PTPRN2: variants seen among roughly 807,000 people sequenced by gnomAD.
PTPRN2 encodes the protein receptor-type tyrosine-protein phosphatase N2.
A neutral mutation model predicts 118.8 loss-of-function variants in PTPRN2; 74 were observed. The observed-to-expected ratio is 0.62, with a 90% CI of 0.52 to 0.76. The LOEUF (loss-of-function observed/expected upper bound fraction) is 0.76, where lower values mean the gene tolerates loss of function less well. PTPRN2 is among the 30% of genes least tolerant of loss of function. PTPRN2 has a pLI of 0.00. For synonymous variants in PTPRN2, 641 were observed against 608.0 expected, an observed-to-expected ratio of 1.05 and a Z score of -0.80; for missense variants, 1,481 against 1,394.4, an observed-to-expected ratio of 1.06 and a Z score of -0.99.
At chr7:157,927,173 G>C (rs111862003) in intron 11 of PTPRN2, among the ~76,000 whole-genome samples, 3 of 124,202 alleles carry the variant, frequency 2.4e-5, no homozygotes, top group African/African-American at 3.5e-5. Flanking sequence ...ACCCGTCTGA[G>C]AGCAGAGGCC....
chr7:158,251,666 T>C (rs1487369539), intron 3 of PTPRN2, among the ~76,000 whole-genome samples: 1 of 149,674 alleles, frequency 6.7e-6, no homozygotes, highest in Non-Finnish European at 1.5e-5. Context: ...AGGTGTGCAA[T>C]GGATGTCTAT....
intron 10 of PTPRN2, among the ~76,000 whole-genome samples, chr7:158,088,084 A>T (rs1467627090): frequency 1.4e-5 from 1 of 73,514 alleles, no homozygotes; most frequent in African/African-American, 3.3e-5. Flanking sequence ...TCTTCCCCTG[A>T]TGAAAGAGGG....
chr7:158,116,845 C>G (rs1361576908), intron 9 of PTPRN2, among the ~76,000 whole-genome samples: 1 of 152,146 alleles, frequency 6.6e-6, no homozygotes, highest in Non-Finnish European at 1.5e-5. Flanking sequence ...CACACATGCT[C>G]AGGGAAAGGC....
At chr7:157,866,570 G>T (rs1038093825) in intron 12 of PTPRN2, among the ~76,000 whole-genome samples, 1 of 152,066 alleles carries the variant, frequency 6.6e-6, no homozygotes, top group Non-Finnish European at 1.5e-5. Flanking sequence ...CATGAGGTCT[G>T]CAGGAAACAC....
At chr7:157,901,343 A>AGAGTCAC (rs1491520633) in intron 11 of PTPRN2, among the ~76,000 whole-genome samples, 1 of 151,874 alleles carries the variant, frequency 6.6e-6, no homozygotes, top group Non-Finnish European at 1.5e-5. Context: ...AACCAGATGC[A>AGAGTCAC]GAGTCACACA....
intron 2 of PTPRN2, among the ~76,000 whole-genome samples, chr7:158,486,779 A>G (rs2335166): frequency 0.19 from 29,107 of 152,118 alleles, 3,273 homozygotes; most frequent in East Asian, 0.41. Context: ...GGTAAAATAT[A>G]CGTCACATTA....
chr7:158,531,888 G>A (rs747382145), intron 1 of PTPRN2, among the ~76,000 whole-genome samples: 1 of 152,124 alleles, frequency 6.6e-6, no homozygotes, highest in Non-Finnish European at 1.5e-5. Context: ...GAAGCTGAAC[G>A]CATCACTGCA....
chr7:157,565,229 A>G (rs1281517388), intron 21 of PTPRN2, among the ~76,000 whole-genome samples: 1 of 152,204 alleles, frequency 6.6e-6, no homozygotes, highest in East Asian at 1.9e-4. Flanking sequence ...GCCCGTGTGG[A>G]CACCCCACCG....
intron 11 of PTPRN2, among the ~76,000 whole-genome samples, chr7:158,071,866 C>A (rs1255626275): frequency 6.2e-4 from 3 of 4,844 alleles, no homozygotes; most frequent in Admixed American, 1.8e-3. Flanking sequence ...AGGTGCTCGT[C>A]ATATGGAGGT....
In PTPRN2 at chr7:158,388,464, A is replaced by G. The variant is rs968661211; in HGVS notation, c.164-71532T>C. ...AACTTGGGAAAGCACTTCACTCACC[A>G]TCACTAGCTCTTATAAAGGACACAG... On this transcript the variant is annotated intron_variant, in intron 2 of 22. Transcript: ENST00000389418. 2.6e-5 allele frequency among the ~76,000 whole-genome samples: 4 copies of G among 152,098 alleles called. No homozygotes were observed. The South Asian group carries it at 8.3e-4, about 32-fold the overall frequency.
intron 15 of PTPRN2, chr7:157,616,645 C>T (rs1468890899): frequency 6.6e-6 from 1 of 152,104 alleles, no homozygotes; most frequent in Non-Finnish European, 1.5e-5. Context: ...CTGGGAGTCT[C>T]TCTCCAGCAA....
At chr7:158,395,305 CGA>C (rs1812281268) in intron 2 of PTPRN2, among the ~76,000 whole-genome samples, 1 of 28,628 alleles carries the variant, frequency 3.5e-5, no homozygotes, top group African/African-American at 1.1e-4. Context: ...GGGTGAGGGG[CGA>C]GGGGTGAGGG....
chr7:157,565,561 C>T (rs908640070), intron 21 of PTPRN2, among the ~76,000 whole-genome samples: 7 of 152,228 alleles, frequency 4.6e-5, no homozygotes, highest in African/African-American at 2.4e-5. Flanking sequence ...CACTTCTCAG[C>T]CACTGCATTT....
chr7:157,741,584 T>C (rs1800634864), intron 12 of PTPRN2, among the ~76,000 whole-genome samples: 1 of 152,240 alleles, frequency 6.6e-6, no homozygotes. Context: ...CTCTGGACAT[T>C]TGCAGGAAGA....
At chr7:158,061,867 A>G (rs1810376367) in intron 11 of PTPRN2, among the ~76,000 whole-genome samples, 1 of 152,252 alleles carries the variant, frequency 6.6e-6, no homozygotes, top group Non-Finnish European at 1.5e-5. Flanking sequence ...GCCTAATGCC[A>G]CTTTTTTGAT....
chr7:158,240,621 G>A (rs1207348876), intron 3 of PTPRN2, among the ~76,000 whole-genome samples: 1 of 152,142 alleles, frequency 6.6e-6, no homozygotes, highest in African/African-American at 2.4e-5. Flanking sequence ...TAGAGACAGG[G>A]TTTCACCATG....
At chr7:157,790,679 T>C (rs1227696873) in intron 12 of PTPRN2, among the ~76,000 whole-genome samples, 1 of 152,224 alleles carries the variant, frequency 6.6e-6, no homozygotes, top group Non-Finnish European at 1.5e-5. Context: ...ATAAACAATT[T>C]ACCATAAGAT....
intron 3 of PTPRN2, among the ~76,000 whole-genome samples, chr7:158,281,092 T>C (rs1799394004): frequency 1.3e-5 from 2 of 152,142 alleles, no homozygotes; most frequent in African/African-American, 4.8e-5. Flanking sequence ...TCTCTTGAGA[T>C]CAGGAGTTCA....
chr7:157,685,849 G>A (rs772715012), intron 12 of PTPRN2, among the ~76,000 whole-genome samples: 32 of 152,254 alleles, frequency 2.1e-4, no homozygotes, highest in Middle Eastern at 3.4e-3. Context: ...CAGTGCCCTG[G>A]AGTCCTGTCT....
Sources: allele counts gnomAD v4.1 joint callset (sites outside exome capture counted in the v4.1 genomes callset), GRCh38; gene constraint gnomAD v4.1.1; transcripts MANE v1.5; gene names NCBI Gene and HGNC (gene_info 2026-07-23, HGNC 2026-07-21).